PLPP1: variants seen among roughly 807,000 people sequenced by gnomAD.
PLPP1 encodes the protein lipid phosphate phosphohydrolase 1a.
In PLPP1, 24 loss-of-function variants were observed where a neutral mutation model predicts 31.2. That is an observed-to-expected ratio of 0.77 (90% confidence interval 0.56 to 1.08). PLPP1 has a LOEUF of 1.08. Ranked by LOEUF, PLPP1 falls within the 50% of genes least tolerant of loss-of-function variation. The pLI, the probability that PLPP1 is intolerant of heterozygous loss-of-function variation, is 0.00. For synonymous variants in PLPP1, 146 were observed against 126.3 expected (o/e 1.16, Z -1.05); for missense variants, 319 against 342.7 (o/e 0.93, Z 0.55).
Position 55,500,077 on chromosome 5 carries a change from A to ATTT in PLPP1, c.59-24630_59-24628dup, listed in dbSNP as rs72040194. 1.0e-3 allele frequency among the ~76,000 whole-genome samples: 118 copies of ATTT among 112,474 alleles called. 1 individual carries two copies. Among genetic ancestry groups the ATTT allele is most frequent in the South Asian group, 3.5e-3 (12 of 3,408 alleles). The allele number at this position is 112,474 out of a possible 152,430, so 73.8% of individuals were successfully genotyped here. On this transcript the variant is annotated intron_variant, in intron 1 of 5. Coordinates refer to ENST00000307259, the MANE Select transcript of PLPP1 (RefSeq NM_003711.4). ...ATGGTATAATTTGATTTCTCTAAAA[A>ATTT]TTTTTTTTTTTTTTTTTTTTGAGAC...
chr5:55,528,336 C>T (rs1040218154), intron 1 of PLPP1, among the ~76,000 whole-genome samples: 8 of 152,194 alleles, frequency 5.3e-5, no homozygotes, highest in Non-Finnish European at 1.2e-4. Flanking sequence ...ACAAGGCTCT[C>T]GTCTTTGCTC....
At chr5:55,464,823 G>A (rs1201167238) in intron 3 of PLPP1, among the ~76,000 whole-genome samples, 1 of 152,080 alleles carries the variant, frequency 6.6e-6, no homozygotes, top group Non-Finnish European at 1.5e-5. Flanking sequence ...TAAATTGACT[G>A]TAAACACTCA....
intron 3 of PLPP1, among the ~76,000 whole-genome samples, chr5:55,444,874 T>C (rs550982086): frequency 1.2e-4 from 18 of 151,882 alleles, no homozygotes; most frequent in Non-Finnish European, 2.1e-4. Context: ...CTCACCCTCC[T>C]GAGTAGCTGG....
intron 1 of PLPP1, chr5:55,530,713 T>C (rs1314337980): frequency 1.9e-6 from 3 of 1,575,680 alleles, no homozygotes; most frequent in Non-Finnish European, 2.6e-6. Context: ...TCTAGTCACA[T>C]TTCCACGACA....
intron 1 of PLPP1, chr5:55,530,078 C>T (rs1740608930): frequency 1.3e-6 from 1 of 766,764 alleles, no homozygotes; most frequent in Non-Finnish European, 2.3e-6. Context: ...CATCAAGTTA[C>T]TGAAACGGTG....
intron 1 of PLPP1, among the ~76,000 whole-genome samples, chr5:55,498,978 A>T (rs1291969203): frequency 6.6e-6 from 1 of 152,042 alleles, no homozygotes; most frequent in Non-Finnish European, 1.5e-5. Context: ...TCTCAGCAGC[A>T]CCCCTCACTC....
At chr5:55,440,929 T>A (rs536522300) in intron 4 of PLPP1, among the ~76,000 whole-genome samples, 1 of 152,218 alleles carries the variant, frequency 6.6e-6, no homozygotes, top group African/African-American at 2.4e-5. Context: ...AAAAATCCCC[T>A]TATAAAGAAA....
At chr5:55,525,334 T>G (rs1344576076) in intron 1 of PLPP1, among the ~76,000 whole-genome samples, 3 of 152,188 alleles carry the variant, frequency 2.0e-5, no homozygotes, top group African/African-American at 7.2e-5. Flanking sequence ...AGCTAAAGAA[T>G]ACAGGCACAA....
intron 3 of PLPP1, among the ~76,000 whole-genome samples, chr5:55,443,192 A>AAAAATATATATATATATATATATAT: frequency 7.9e-5 from 2 of 25,416 alleles, no homozygotes; most frequent in African/African-American, 1.1e-4. Flanking sequence ...AAAAAAAAAA[A>AAAAATATATATATATATATATATAT]ATATATATAT....
intron 1 of PLPP1, among the ~76,000 whole-genome samples, chr5:55,525,748 T>C (rs575822024): frequency 7.0e-4 from 106 of 151,732 alleles, no homozygotes; most frequent in Non-Finnish European, 1.3e-3. Flanking sequence ...GGAAGGGAAG[T>C]ACAGTGGGGA....
chr5:55,475,607 A>ATTAC, intron 1 of PLPP1, among the ~76,000 whole-genome samples, 157 bp from the exon 2 acceptor site: 1 of 152,268 alleles, frequency 6.6e-6, no homozygotes, highest in Non-Finnish European at 1.5e-5. Flanking sequence ...CATGCAACGG[A>ATTAC]AGTTAGAAAG....
At chr5:55,490,036 A>T (rs1284846653) in intron 1 of PLPP1, among the ~76,000 whole-genome samples, 2 of 152,198 alleles carry the variant, frequency 1.3e-5, no homozygotes, top group African/African-American at 4.8e-5. Flanking sequence ...GTGAATCTTA[A>T]ACTAGAATGA....
At chr5:55,458,884 C>A (rs1478048157) in intron 3 of PLPP1, among the ~76,000 whole-genome samples, 2 of 39,054 alleles carry the variant, frequency 5.1e-5, no homozygotes, top group African/African-American at 9.4e-5. Flanking sequence ...GAGACCCTGT[C>A]TCCAAAAAAA....
intron 1 of PLPP1, among the ~76,000 whole-genome samples, chr5:55,506,263 T>A (rs1425427998): frequency 3.1e-4 from 40 of 128,496 alleles, no homozygotes; most frequent in African/African-American, 3.5e-4. Context: ...AGCAAATTAC[T>A]AAAAAAAAAA....
intron 1 of PLPP1, among the ~76,000 whole-genome samples, chr5:55,529,503 T>G (rs1430457861): frequency 2.6e-5 from 4 of 152,088 alleles, no homozygotes; most frequent in Non-Finnish European, 5.9e-5. Context: ...AATTACCAAA[T>G]GCCCATGAAA....
chr5:55,455,153 C>A (rs1282793866), intron 3 of PLPP1, among the ~76,000 whole-genome samples: 2 of 152,098 alleles, frequency 1.3e-5, no homozygotes, highest in Non-Finnish European at 2.9e-5. Flanking sequence ...ATTCATACAG[C>A]CAGAGATCAG....
chr5:55,480,867 T>C lies in PLPP1; in HGVS notation c.59-5417A>G, dbSNP rs569317076. Reference sequence around the variant, plus strand: ...AACTTTTTAAGAAATTGCCAAACTGTTTTCCAAAGTTGTTGCACCCTTTTA... The same window carrying C: ...AACTTTTTAAGAAATTGCCAAACTGCTTTCCAAAGTTGTTGCACCCTTTTA... On this transcript the variant is annotated intron_variant, in intron 1 of 5. Coordinates refer to ENST00000307259, the MANE Select transcript of PLPP1 (RefSeq NM_003711.4). Among the ~76,000 whole-genome samples the C allele has an allele frequency of 2.0e-5, 3 of 152,312 alleles. No homozygotes were observed. In the South Asian group the frequency reaches 6.2e-4, roughly 32 times the overall value.
intron 4 of PLPP1, among the ~76,000 whole-genome samples, chr5:55,433,323 CGAAAA>C (rs1289933847): frequency 2.1e-5 from 3 of 143,990 alleles, no homozygotes; most frequent in Non-Finnish European, 3.0e-5. Context: ...GACCCAGTCT[CGAAAA>C]GAAAAAAAGA....
chr5:55,519,585 C>A (rs1579982473), intron 1 of PLPP1, among the ~76,000 whole-genome samples: 1 of 151,928 alleles, frequency 6.6e-6, no homozygotes, highest in East Asian at 1.9e-4. Context: ...CCCATCCCTA[C>A]TAAAAATCCA....
Sources: gnomAD v4.1 joint callset for allele counts (sites outside exome capture counted in the v4.1 genomes callset) on GRCh38, gnomAD v4.1.1 for gene constraint, MANE v1.5 for transcripts, NCBI Gene and HGNC (gene_info 2026-07-23, HGNC 2026-07-21) for gene names.